The following JAML variants were observed in gnomAD, a reference collection of about 807,000 sequenced individuals.
JAML encodes the protein junction adhesion molecule like.
JAML carries 25 observed loss-of-function variants against 39.3 expected under a neutral mutation model. The observed-to-expected ratio is 0.64, with a 90% CI of 0.46 to 0.89. JAML has a LOEUF of 0.89. Ranked by LOEUF, JAML falls within the 40% of genes least tolerant of loss-of-function variation. JAML has a pLI of 0.00. For missense variants in JAML, 440 were observed against 486.9 expected (o/e 0.90, Z 0.91); for synonymous variants, 162 against 179.2 (o/e 0.90, Z 0.77).
At chr11:118,203,249 C>A (rs1948847504) in intron 6 of JAML, 179 bp downstream of exon 6, 3 of 741,488 alleles carry the variant, frequency 4.0e-6, no homozygotes, top group Non-Finnish European at 7.3e-6. Context: ...AAGCCAGGCA[C>A]CTGAGGAGCC....
Position 118,203,410 on chromosome 11 carries a change from C to T in JAML, c.772+18G>A. On this transcript the variant is annotated intron_variant, in intron 6 of 9. Coordinates refer to ENST00000356289, the MANE Select transcript of JAML (RefSeq NM_001098526.2). Reference sequence around the variant, plus strand: ...AGCCAGGAGGTCCCTCAATGCTCCCCAGCCAAATGTTAGATACTTCGAGGC... The same window carrying T: ...AGCCAGGAGGTCCCTCAATGCTCCCTAGCCAAATGTTAGATACTTCGAGGC... The T allele has an allele frequency of 6.2e-7, 1 of 1,609,112 alleles. No homozygotes were observed. Among genetic ancestry groups the T allele is most frequent in the Non-Finnish European group, 8.5e-7 (1 of 1,175,810 alleles).
intron 1 of JAML, 47 bp from the exon 2 acceptor site, chr11:118,214,933 C>A: frequency 1.9e-6 from 3 of 1,562,450 alleles, no homozygotes; most frequent in East Asian, 2.2e-5. Context: ...AAGAGAAGCT[C>A]ATTAATTTAA....
chr11:118,220,756 G>A (rs1441279190), intron 1 of JAML, among the ~76,000 whole-genome samples: 11 of 152,238 alleles, frequency 7.2e-5, no homozygotes, highest in Admixed American at 6.5e-4. Flanking sequence ...AGTGCCCTCA[G>A]TGCAGATGGC....
intron 1 of JAML, among the ~76,000 whole-genome samples, chr11:118,215,886 C>T (rs1285406066): frequency 6.6e-6 from 1 of 152,168 alleles, no homozygotes. Context: ...ACAGTGCAAC[C>T]AGTCTTGAGT....
chr11:118,216,933 G>A (rs1949150533), intron 1 of JAML, among the ~76,000 whole-genome samples: 1 of 152,094 alleles, frequency 6.6e-6, no homozygotes, highest in Non-Finnish European at 1.5e-5. Flanking sequence ...GGTCATAAGG[G>A]GCTTCCTTTA....
Position 118,212,512 on chromosome 11 carries a change from T to G in JAML, c.93A>C (p.Thr31=). The part of the protein sequence containing the change: ...NDLNVSPPEL[T]VHVGDSALMG... ...TCAGAGCTGAATCACCCACATGGACTGTTAGCTCAGGCGGGGAAACATTCA... is the reference window on the plus strand; with the variant it reads ...TCAGAGCTGAATCACCCACATGGACGGTTAGCTCAGGCGGGGAAACATTCA... The change falls in exon 3 of 10, where the codon ACA becomes ACC. Residue 31 remains threonine (T), a synonymous_variant. Transcript: ENST00000356289. The G allele has an allele frequency of 3.1e-6, 5 of 1,614,208 alleles. No individual in the cohort carries two copies. The highest frequency in any genetic ancestry group is 3.4e-6 in the Non-Finnish European group (4 of 1,180,038).
At chr11:118,197,814 G>T in intron 8 of JAML, 184 bp downstream of exon 8, 1 of 565,058 alleles carries the variant, frequency 1.8e-6, no homozygotes, top group South Asian at 2.1e-5. Flanking sequence ...TGTCCCAGCC[G>T]ACCCCATGCA....
At chr11:118,212,797 C>T in intron 2 of JAML, 1 of 1,606,778 alleles carries the variant, frequency 6.2e-7, no homozygotes, top group Non-Finnish European at 8.5e-7. Flanking sequence ...GCTCCCTCCT[C>T]CTATCCAGCC....
At chr11:118,213,624 T>C (rs1160328599) in intron 2 of JAML, among the ~76,000 whole-genome samples, 1 of 152,212 alleles carries the variant, frequency 6.6e-6, no homozygotes. Flanking sequence ...GAACACTGTG[T>C]GTAGAATTAA....
rs779092395 is a variant in JAML, at chr11:118,200,534, G to A, written c.851C>T (p.Ala284Val). 6.2e-7 allele frequency: 1 copy of A among 1,614,044 alleles called. No individual in the cohort carries two copies. Among genetic ancestry groups the A allele is most frequent in the South Asian group, 1.1e-5 (1 of 91,080 alleles). The stretch of plus-strand genomic sequence containing the variant: ...CAGAACAGGGAGCAGCAGGATTGTG[G>A]CACAGACAATTCCCACAATGATCAC... ...QLVIIVGIVC[A>V]TILLLPVLIL... is the part of the protein sequence containing the mutation. Residue 284 changes from alanine to valine, a missense_variant, in exon 7 of 10, where the codon GCC (alanine) becomes GTC (valine). Ala to Val is a moderately conservative substitution (Grantham distance 64, BLOSUM62 0). Transcript: ENST00000356289.
At chr11:118,206,715 T>C (rs184457595) in intron 4 of JAML, among the ~76,000 whole-genome samples, 40 of 152,320 alleles carry the variant, frequency 2.6e-4, no homozygotes, top group Non-Finnish European at 3.2e-4. Context: ...CCCCTGCTTC[T>C]GGCTTTCCAC....
intron 6 of JAML, 167 bp from the exon 7 acceptor site, chr11:118,200,779 C>G (rs562177441): frequency 2.9e-6 from 2 of 690,100 alleles, no homozygotes; most frequent in Admixed American, 3.0e-5. Context: ...AGATTGAGAA[C>G]CAAAGTCTAA....
chr11:118,221,570 T>C (rs1376028061), intron 1 of JAML, among the ~76,000 whole-genome samples: 1 of 152,202 alleles, frequency 6.6e-6, no homozygotes, highest in African/African-American at 2.4e-5. Context: ...GAGGCAGAGC[T>C]CAGGCAGTAA....
In JAML at chr11:118,222,864, G is replaced by T. The variant is rs1303514890; in HGVS notation, c.-21+2077C>A. The stretch of plus-strand genomic sequence containing the variant: ...CATCCCAGAACTTTGGGAGGCTGAG[G>T]TGGGGAGATCACTTGAGGTTAGGAG... On this transcript the variant is annotated intron_variant, in intron 1 of 9. Coordinates refer to ENST00000356289, the MANE Select transcript of JAML (RefSeq NM_001098526.2). The surrounding 1 kb of genome is among the most constrained non-coding windows in gnomAD (Gnocchi z 4.2). Among the ~76,000 whole-genome samples, 3 of 152,164 alleles carry T rather than the reference G, an allele frequency of 2.0e-5. No homozygotes were observed. The highest frequency in any genetic ancestry group is 2.9e-5 in the Non-Finnish European group (2 of 68,024).
chr11:118,195,635 T>C (rs1264747141), intron 9 of JAML, among the ~76,000 whole-genome samples: 1 of 152,118 alleles, frequency 6.6e-6, no homozygotes, highest in East Asian at 1.9e-4. Flanking sequence ...GGAATCAGAC[T>C]CCAAAATATT....
chr11:118,220,989 G>A (rs906865648), intron 1 of JAML, among the ~76,000 whole-genome samples: 18 of 152,164 alleles, frequency 1.2e-4, no homozygotes, highest in African/African-American at 4.1e-4. Context: ...TGACTCTGGA[G>A]GTGGCAAGTA....
intron 3 of JAML, 126 bp from the exon 4 acceptor site, chr11:118,210,838 T>G: frequency 1.4e-6 from 1 of 740,302 alleles, no homozygotes; most frequent in Non-Finnish European, 2.2e-6. Context: ...AAGCATTTGG[T>G]ACCCAGTTAA....
At chr11:118,197,812 C>A (rs115340798) in intron 8 of JAML, 186 bp downstream of exon 8, 1 of 564,380 alleles carries the variant, frequency 1.8e-6, no homozygotes, top group Non-Finnish European at 3.1e-6. Context: ...GCTGTCCCAG[C>A]CGACCCCATG....
chr11:118,208,612 GGGAAATGGCCCCA>G (rs1565480425), intron 4 of JAML, among the ~76,000 whole-genome samples: 1 of 152,164 alleles, frequency 6.6e-6, no homozygotes, highest in African/African-American at 2.4e-5. Flanking sequence ...AGCTGCAGGC[GGGAAATGGCCCCA>G]GATTCTAGTT....
Sources: gnomAD v4.1 joint callset for allele counts (sites outside exome capture counted in the v4.1 genomes callset) on GRCh38, gnomAD v4.1.1 for gene constraint, Gnocchi (gnomAD v3.1) non-coding constraint, MANE v1.5 for transcripts, NCBI Gene and HGNC (gene_info 2026-07-23, HGNC 2026-07-21) for gene names.